Variants in STYXL2 observed in about 807,000 individuals in gnomAD.
STYXL2 encodes serine/threonine/tyrosine interacting like 2.
Under a neutral mutation model 52.4 loss-of-function variants are expected in STYXL2, and 44 were observed. The observed-to-expected ratio is 0.84, with a 90% confidence interval of 0.66 to 1.08. STYXL2 has a LOEUF of 1.08. STYXL2 is among the 50% of genes least tolerant of loss of function. The probability of loss-of-function intolerance (pLI) is 0.00; values close to 1 mark genes in which losing one functional copy is unlikely to be tolerated. For missense variants in STYXL2, 1,604 were observed against 1,471.7 expected (o/e 1.09, Z -1.47); for synonymous variants, 604 against 586.9 (o/e 1.03, Z -0.42).
chr1:167,113,944 C>A, intron 3 of STYXL2, 140 bp downstream of exon 3: 3 of 703,490 alleles, frequency 4.3e-6, no homozygotes, highest in Non-Finnish European at 7.6e-6. Context: ...GAAGGCAGTT[C>A]TGCCAACCCT....
Position 167,117,542 on chromosome 1 carries a change from T to C in STYXL2, c.420T>C (p.Asn140=), listed in dbSNP as rs370416497. 44 of 1,602,354 alleles carry C rather than the reference T, an allele frequency of 2.7e-5. No homozygotes were observed. The East Asian group carries it at 4.7e-4, about 17-fold the overall frequency. Residue 140 remains asparagine, a synonymous_variant, in exon 4 of 6, where the codon AAT becomes AAC. Coordinates refer to ENST00000361200, the MANE Select transcript of STYXL2 (RefSeq NM_001080426.3). ...PWNEVDEVWP[N]VFIAEKSVAV... ...ATGAGGTGGATGAGGTCTGGCCCAA[T>C]GTCTTCATAGCTGAGAAGTGAGTCT... is the stretch of plus-strand genomic sequence containing the variant.
At chr1:167,095,595 T>C (rs1190245510) in intron 2 of STYXL2, among the ~76,000 whole-genome samples, 3 of 152,132 alleles carry the variant, frequency 2.0e-5, no homozygotes, top group Admixed American at 6.5e-5. Context: ...ATGAAAAAAA[T>C]GTGCATAACA....
chr1:167,128,371 T>C lies in STYXL2; in HGVS notation c.3240T>C (p.Ser1080=). The change falls in exon 6 of 6, where the codon TCT becomes TCC. Residue 1080 remains serine (S), a synonymous_variant. Coordinates refer to ENST00000361200, the MANE Select transcript of STYXL2 (RefSeq NM_001080426.3). ...DVEESSKSDF[S]EFGAKRKFTQ... ...AAGAGTCATCCAAGTCAGACTTCTC[T>C]GAATTTGGAGCCAAGAGGAAGTTCA... is the stretch of plus-strand genomic sequence containing the variant. 6.2e-7 allele frequency: 1 copy of C among 1,614,104 alleles called. No homozygotes were observed. Among genetic ancestry groups the C allele is most frequent in the East Asian group, 2.2e-5 (1 of 44,868 alleles).
At chr1:167,094,764 CACA>C in intron 1 of STYXL2, 67 bp from the exon 2 acceptor site, 1 of 1,094,194 alleles carries the variant, frequency 9.1e-7, no homozygotes, top group Admixed American at 2.0e-5. Flanking sequence ...ACATCACCAA[CACA>C]ACTTCTCCCC....
rs1281925950 is a variant in STYXL2 at position 167,128,308 on chromosome 1, C to T, written c.3177C>T (p.Arg1059=). 6.2e-7 allele frequency: 1 copy of T among 1,613,892 alleles called. No homozygotes were observed. Among genetic ancestry groups the T allele is most frequent in the Non-Finnish European group, 8.5e-7 (1 of 1,179,922 alleles). Residue 1059 remains arginine (R), a synonymous_variant, in exon 6 of 6, where the codon CGC becomes CGT. Coordinates refer to ENST00000361200, the MANE Select transcript of STYXL2 (RefSeq NM_001080426.3). The part of the protein sequence containing the change: ...SEREESPEPQ[R]PNWARSRDWE... ...GGGAAGAGTCCCCAGAACCACAGCGCCCAAATTGGGCCAGGTCCAGGGACT... is the reference window on the plus strand; with the variant it reads ...GGGAAGAGTCCCCAGAACCACAGCGTCCAAATTGGGCCAGGTCCAGGGACT...
chr1:167,117,987 G>A (rs1255611386), intron 4 of STYXL2, among the ~76,000 whole-genome samples: 2 of 152,262 alleles, frequency 1.3e-5, no homozygotes, highest in Non-Finnish European at 2.9e-5. Flanking sequence ...GATTACAAGA[G>A]AAGACATGTA....
rs530931060 is a variant in STYXL2 at position 167,099,253 on chromosome 1, C to T, written c.110+4294C>T. Among the ~76,000 whole-genome samples, 9 of 152,174 alleles carry T rather than the reference C, an allele frequency of 5.9e-5. No homozygotes were observed. In the East Asian group the frequency reaches 1.2e-3, roughly 20 times the overall value. Reference sequence around the variant, plus strand: ...GTATGTATATTTTTTAAAACTATCTCAGCAACTGATAAAATAAAAAAAATC... The same window carrying T: ...GTATGTATATTTTTTAAAACTATCTTAGCAACTGATAAAATAAAAAAAATC... On this transcript the variant is annotated intron_variant, in intron 2 of 5. Transcript: ENST00000361200.
rs764884083 is a variant in STYXL2 at position 167,128,314 on chromosome 1, T to C, written c.3183T>C (p.Asn1061=). The change falls in exon 6 of 6, where the codon AAT becomes AAC. Residue 1061 remains asparagine, a synonymous_variant. Coordinates refer to ENST00000361200, the MANE Select transcript of STYXL2 (RefSeq NM_001080426.3). ...REESPEPQRP[N]WARSRDWEDV... Reference sequence around the variant, plus strand: ...AGTCCCCAGAACCACAGCGCCCAAATTGGGCCAGGTCCAGGGACTGGGAAG... The same window carrying C: ...AGTCCCCAGAACCACAGCGCCCAAACTGGGCCAGGTCCAGGGACTGGGAAG... The C allele has an allele frequency of 1.9e-6, 3 of 1,613,684 alleles. No individual in the cohort carries two copies. The highest frequency in any genetic ancestry group is 1.7e-5 in the Admixed American group (1 of 59,976).
At chr1:167,118,031 G>A (rs1360436572) in intron 4 of STYXL2, among the ~76,000 whole-genome samples, 1 of 152,246 alleles carries the variant, frequency 6.6e-6, no homozygotes, top group East Asian at 1.9e-4. Flanking sequence ...AGATGTATGT[G>A]TATGTGTGTG....
chr1:167,123,294 C>G (rs1026603922), intron 5 of STYXL2, among the ~76,000 whole-genome samples: 1 of 152,202 alleles, frequency 6.6e-6, no homozygotes, highest in East Asian at 1.9e-4. Flanking sequence ...GCCCTTTAGG[C>G]TCCTCAGAGG....
At chr1:167,097,745 G>T (rs115981108) in intron 2 of STYXL2, among the ~76,000 whole-genome samples, 2,216 of 151,792 alleles carry the variant, frequency 0.015, 44 homozygotes, top group African/African-American at 0.05. Context: ...GTAGATTTAA[G>T]CTCAAATATA....
chr1:167,110,203 G>A (rs1667588261), intron 2 of STYXL2, among the ~76,000 whole-genome samples: 1 of 152,164 alleles, frequency 6.6e-6, no homozygotes, highest in African/African-American at 2.4e-5. Context: ...AACACCACAT[G>A]AGACAAAAGA....
chr1:167,107,231 A>G (rs1667522538), intron 2 of STYXL2, among the ~76,000 whole-genome samples: 1 of 152,148 alleles, frequency 6.6e-6, no homozygotes. Flanking sequence ...GTCAAGACCC[A>G]AAGAAGGAAA....
In STYXL2 at chr1:167,119,337, C is replaced by A. The variant is rs768248884; in HGVS notation, c.526C>A (p.Pro176Thr). The change falls in exon 5 of 6, where the codon CCC (proline) becomes ACC (threonine). Residue 176 changes from proline (P) to threonine (T), a missense_variant. Coordinates refer to ENST00000361200, the MANE Select transcript of STYXL2 (RefSeq NM_001080426.3). ...AAHGTGVYTG[P>T]EFYTGLEIQY... ...GCATGGCACCGGCGTTTACACTGGC[C>A]CCGAATTCTACACTGGCCTGGAGAT... The A allele has an allele frequency of 3.7e-6, 6 of 1,609,640 alleles. No individual in the cohort carries two copies. The highest frequency in any genetic ancestry group is 5.1e-6 in the Non-Finnish European group (6 of 1,178,304).
rs1420132216 is a variant in STYXL2 at position 167,126,356 on chromosome 1, C to G, written c.1225C>G (p.Arg409Gly). 2 of 1,541,020 alleles carry G rather than the reference C, an allele frequency of 1.3e-6. No individual in the cohort carries two copies. The change falls in exon 6 of 6, where the codon CGG (arginine) becomes GGG (glycine). Residue 409 changes from arginine (R) to glycine (G), a missense_variant. Coordinates refer to ENST00000361200, the MANE Select transcript of STYXL2 (RefSeq NM_001080426.3). ...CGAGAGGTACCAAGCAGAAGGGTAC[C>G]GGAGGTGGGGAAGGGAGGAGGAGAA... ...RNERYQAEGYRRWGREEEKEE... is the reference protein window; with the variant it reads ...RNERYQAEGYGRWGREEEKEE...
chr1:167,104,104 GCCAGA>G (rs1558018867), intron 2 of STYXL2, among the ~76,000 whole-genome samples: 2 of 152,026 alleles, frequency 1.3e-5, no homozygotes, highest in African/African-American at 2.4e-5. Context: ...GGGGGACAGA[GCCAGA>G]CTCTGTCTTG....
chr1:167,126,410 G>C lies in STYXL2; in HGVS notation c.1279G>C (p.Val427Leu). 1 of 1,559,500 alleles carries C rather than the reference G, an allele frequency of 6.4e-7. No homozygotes were observed. Among genetic ancestry groups the C allele is most frequent in the Non-Finnish European group, 8.7e-7 (1 of 1,152,038 alleles). ...KEEESDAGSSVGRRRRTLSES... is the reference protein window; with the variant it reads ...KEEESDAGSSLGRRRRTLSES... ...GGAGGAGAGCGACGCTGGCTCCTCG[G>C]TGGGGAGGCGGCGGCGCACCCTGAG... is the stretch of plus-strand genomic sequence containing the variant. Residue 427 changes from valine (V) to leucine (L), a missense_variant, in exon 6 of 6, where the codon GTG becomes CTG. Transcript: ENST00000361200.
intron 2 of STYXL2, among the ~76,000 whole-genome samples, chr1:167,099,557 A>G (rs536754317): frequency 4.6e-5 from 7 of 152,374 alleles, no homozygotes; most frequent in Non-Finnish European, 7.3e-5. Flanking sequence ...TCAGGGATTC[A>G]AATTAAAATC....
intron 3 of STYXL2, among the ~76,000 whole-genome samples, chr1:167,116,638 T>C (rs1249642817): frequency 1.5e-5 from 2 of 133,816 alleles, no homozygotes; most frequent in African/African-American, 6.1e-5. Flanking sequence ...ATACTTCTAC[T>C]TTTTTTTTTT....
Sources: gnomAD v4.1 joint callset for allele counts (sites outside exome capture counted in the v4.1 genomes callset) on GRCh38, gnomAD v4.1.1 for gene constraint, MANE v1.5 for transcripts, NCBI Gene and HGNC (gene_info 2026-07-23, HGNC 2026-07-21) for gene names.